The following ROBO1 variants were observed in gnomAD, a reference collection of about 807,000 sequenced individuals.
The protein encoded by ROBO1 is roundabout homolog 1.
A neutral mutation model predicts 195.9 loss-of-function variants in ROBO1; 149 were observed. The observed-to-expected ratio is 0.76, with a 90% CI of 0.67 to 0.87. The LOEUF is 0.87. Ranked by LOEUF, ROBO1 falls within the 40% of genes least tolerant of loss-of-function variation. ROBO1 has a pLI of 0.00. For synonymous variants in ROBO1, 816 were observed against 733.2 expected (o/e 1.11, Z -1.82); for missense variants, 1,933 against 2,068.3 (o/e 0.93, Z 1.27).
chr3:78,960,529 G>A (rs768076442), intron 3 of ROBO1, among the ~76,000 whole-genome samples: 24 of 151,828 alleles, frequency 1.6e-4, no homozygotes, highest in Non-Finnish European at 3.1e-4. Flanking sequence ...ACCTGTAATC[G>A]CAGCACTTTG....
intron 1 of ROBO1, among the ~76,000 whole-genome samples, chr3:79,730,382 T>G (rs1483985731): frequency 6.6e-6 from 1 of 152,186 alleles, no homozygotes; most frequent in Non-Finnish European, 1.5e-5. Context: ...AATTATATAG[T>G]CACTCACTGA....
chr3:78,660,088 T>G, intron 16 of ROBO1: 1 of 212,094 alleles, frequency 4.7e-6, no homozygotes, highest in East Asian at 1.1e-4. Context: ...GCCCCACTAA[T>G]TTTTGTATTT....
At chr3:78,944,547 C>A (rs555380970) in intron 3 of ROBO1, among the ~76,000 whole-genome samples, 1 of 152,162 alleles carries the variant, frequency 6.6e-6, no homozygotes, top group South Asian at 2.1e-4. Context: ...CCAAGATGGC[C>A]GAATAGGAAC....
chr3:78,682,710 T>C (rs1409927434), intron 10 of ROBO1, among the ~76,000 whole-genome samples: 1 of 147,716 alleles, frequency 6.8e-6, no homozygotes, highest in Non-Finnish European at 1.5e-5. Context: ...TCAAAAAATA[T>C]ATATATACAC....
chr3:79,128,816 G>A (rs1208628833), intron 2 of ROBO1, among the ~76,000 whole-genome samples: 1 of 152,012 alleles, frequency 6.6e-6, no homozygotes, highest in Non-Finnish European at 1.5e-5. Flanking sequence ...TTTTAAATTT[G>A]TTTTAAAAAA....
intron 1 of ROBO1, among the ~76,000 whole-genome samples, chr3:79,671,802 A>C (rs750695075): frequency 2.0e-5 from 3 of 151,890 alleles, no homozygotes; most frequent in Non-Finnish European, 4.4e-5. Context: ...ACAGTAAACA[A>C]TAACAGATGC....
intron 4 of ROBO1, among the ~76,000 whole-genome samples, chr3:78,920,056 A>T (rs531842249): frequency 6.6e-6 from 1 of 152,350 alleles, no homozygotes; most frequent in East Asian, 1.9e-4. Context: ...GTGAATTCGG[A>T]AAACAAATAG....
At chr3:79,521,087 G>A (rs1378329286) in intron 2 of ROBO1, among the ~76,000 whole-genome samples, 1 of 152,088 alleles carries the variant, frequency 6.6e-6, no homozygotes, top group Non-Finnish European at 1.5e-5. Context: ...CCTACAGATG[G>A]TGGCTGGAAC....
chr3:79,155,326 G>A (rs550864373), intron 2 of ROBO1, among the ~76,000 whole-genome samples: 18 of 151,838 alleles, frequency 1.2e-4, no homozygotes, highest in Admixed American at 4.6e-4. Flanking sequence ...GGGAAGTAAA[G>A]TAATTGTCCT....
intron 4 of ROBO1, among the ~76,000 whole-genome samples, chr3:78,826,210 A>G (rs2031584297): frequency 6.6e-6 from 1 of 152,214 alleles, no homozygotes; most frequent in East Asian, 1.9e-4. Flanking sequence ...GTTTGTAAGC[A>G]TTACTCCTTT....
At chr3:79,495,799 A>T (rs1031708518) in intron 2 of ROBO1, among the ~76,000 whole-genome samples, 1 of 152,136 alleles carries the variant, frequency 6.6e-6, no homozygotes, top group Non-Finnish European at 1.5e-5. Context: ...ATATTCTTCT[A>T]ATTTTCTGTT....
chr3:79,109,509 T>A (rs1182653104), intron 3 of ROBO1, among the ~76,000 whole-genome samples: 1 of 152,088 alleles, frequency 6.6e-6, no homozygotes, highest in Non-Finnish European at 1.5e-5. Context: ...TGTTTCCTCA[T>A]TGCTTTCTAC....
chr3:79,361,587 C>T (rs922313076), intron 2 of ROBO1, among the ~76,000 whole-genome samples: 2 of 151,948 alleles, frequency 1.3e-5, no homozygotes, highest in Admixed American at 6.6e-5. Context: ...TAAAGATTGG[C>T]AAGGACGAAA....
chr3:79,295,884 A>T (rs1210547006), intron 2 of ROBO1, among the ~76,000 whole-genome samples: 2 of 152,210 alleles, frequency 1.3e-5, no homozygotes, highest in African/African-American at 4.8e-5. Flanking sequence ...AGAACAAAAC[A>T]ACTAAACTCT....
At chr3:79,353,415 AC>A (rs2109274296) in intron 2 of ROBO1, among the ~76,000 whole-genome samples, 1 of 152,026 alleles carries the variant, frequency 6.6e-6, no homozygotes, top group Non-Finnish European at 1.5e-5. Context: ...ACACACACAC[AC>A]ACACACACAC....
chr3:79,572,393 A>G (rs550490713), intron 2 of ROBO1, among the ~76,000 whole-genome samples: 1 of 152,186 alleles, frequency 6.6e-6, no homozygotes, highest in East Asian at 1.9e-4. Context: ...TCATGACATA[A>G]TTATAGAAAT....
At chr3:79,574,986 T>C (rs1943403216) in intron 2 of ROBO1, among the ~76,000 whole-genome samples, 1 of 150,560 alleles carries the variant, frequency 6.6e-6, no homozygotes, top group Non-Finnish European at 1.5e-5. Context: ...CCAATTCTAG[T>C]AAACATTTCA....
intron 4 of ROBO1, among the ~76,000 whole-genome samples, chr3:78,876,488 T>C (rs2035856650): frequency 6.6e-6 from 1 of 152,186 alleles, no homozygotes; most frequent in African/African-American, 2.4e-5. Context: ...AAATTAGCAT[T>C]TGGCTTTCAA....
At chr3:78,888,013 G>A (rs1044359783) in intron 4 of ROBO1, among the ~76,000 whole-genome samples, 13 of 151,986 alleles carry the variant, frequency 8.6e-5, no homozygotes, top group African/African-American at 2.7e-4. Context: ...CTTGTCTCAC[G>A]AGTGAAAAGA....
Sources: gnomAD v4.1 joint callset for allele counts (sites outside exome capture counted in the v4.1 genomes callset) on GRCh38, gnomAD v4.1.1 for gene constraint, MANE v1.5 for transcripts, NCBI Gene and HGNC (gene_info 2026-07-23, HGNC 2026-07-21) for gene names.